Variants in MAP2K5 observed in about 807,000 individuals in gnomAD.
MAP2K5 encodes the protein dual specificity mitogen-activated protein kinase kinase 5.
Under a neutral mutation model 83.1 loss-of-function variants are expected in MAP2K5, and 49 were observed. That is an observed-to-expected ratio of 0.59 (90% CI 0.47 to 0.75). MAP2K5 has a LOEUF of 0.75. Among genes scored for constraint, MAP2K5 ranks in the 30% least tolerant of loss-of-function variants. The pLI is 0.00. For missense variants in MAP2K5, 457 were observed against 557.5 expected, an observed-to-expected ratio of 0.82 and a Z score of 1.82; for synonymous variants, 202 against 191.8, an observed-to-expected ratio of 1.05 and a Z score of -0.44.
At chr15:67,547,638 G>GT (rs1280071608) in intron 1 of MAP2K5, among the ~76,000 whole-genome samples, 1 of 151,976 alleles carries the variant, frequency 6.6e-6, no homozygotes, top group East Asian at 1.9e-4. Context: ...TGTATTTTTA[G>GT]TAGAGACAGG....
chr15:67,802,468 T>C lies in MAP2K5; in HGVS notation c.1243-4178T>C, dbSNP rs1345358170. On this transcript the variant is annotated intron_variant, in intron 21 of 21. Coordinates refer to ENST00000178640, the MANE Select transcript of MAP2K5 (RefSeq NM_145160.3). The surrounding 1 kb of genome is among the most constrained non-coding windows in gnomAD (Gnocchi z 5.0). The stretch of plus-strand genomic sequence containing the variant: ...CAGCCCTGTTCTTTTCCCTTCATTG[T>C]GTCTCCAACTTCTGTGGCAAAGTCT... Among the ~76,000 whole-genome samples, 1 of 152,244 alleles carries C rather than the reference T, an allele frequency of 6.6e-6. No individual in the cohort carries two copies. The highest frequency in any genetic ancestry group is 1.5e-5 in the Non-Finnish European group (1 of 68,046).
rs1488585262 is a variant in MAP2K5 at position 67,690,692 on chromosome 15, C to T, written c.848-1787C>T. ...GAGATTACAGGTGTCCGCCACCACG[C>T]CCGGCTAATTTTTGTATTTTTAGTA... On this transcript the variant is annotated intron_variant, in intron 13 of 21. Coordinates refer to ENST00000178640, the MANE Select transcript of MAP2K5 (RefSeq NM_145160.3). This position sits in a 1 kb window ranked among gnomAD's most constrained non-coding sequence, Gnocchi z 4.3. 6.6e-6 allele frequency among the ~76,000 whole-genome samples: 1 copy of T among 152,040 alleles called. No homozygotes were observed. The highest frequency in any genetic ancestry group is 2.4e-5 in the African/African-American group (1 of 41,398).
Position 67,807,113 on chromosome 15 carries a change from C to T in MAP2K5, c.*363C>T, listed in dbSNP as rs2090827618. The T allele has an allele frequency of 7.6e-6, 4 of 525,286 alleles. No individual in the cohort carries two copies. The South Asian group carries it at 8.4e-5, about 11-fold the overall frequency. The allele number at this position is 525,286 out of a possible 1,614,324, so 32.5% of individuals were successfully genotyped here. A position where few individuals can be genotyped will look rare whatever the true frequency, so the allele number is the denominator to read the frequency against. On this transcript the variant is annotated 3_prime_UTR_variant, in exon 22 of 22. Coordinates refer to ENST00000178640, the MANE Select transcript of MAP2K5 (RefSeq NM_145160.3). The surrounding 1 kb of genome is among the most constrained non-coding windows in gnomAD (Gnocchi z 5.1). Reference sequence around the variant, plus strand: ...GAATAAAAGTATTAATGCTTTGTGACAGCCTCTGCCATAAGAGTTGTGTGG... The same window carrying T: ...GAATAAAAGTATTAATGCTTTGTGATAGCCTCTGCCATAAGAGTTGTGTGG...
At chr15:67,655,209 T>G (rs2087041698) in intron 11 of MAP2K5, among the ~76,000 whole-genome samples, 1 of 152,236 alleles carries the variant, frequency 6.6e-6, no homozygotes, top group African/African-American at 2.4e-5. Flanking sequence ...CATTGTCTCT[T>G]AAGTCATAGA....
At position 67,801,581 on chromosome 15, in the gene MAP2K5, G is replaced by T. The variant is rs1000261752; in HGVS notation, c.1243-5065G>T. 6.6e-6 allele frequency among the ~76,000 whole-genome samples: 1 copy of T among 152,070 alleles called. No homozygotes were observed. The highest frequency in any genetic ancestry group is 1.5e-5 in the Non-Finnish European group (1 of 68,012). On this transcript the variant is annotated intron_variant, in intron 21 of 21. Transcript: ENST00000178640. This position sits in a 1 kb window ranked among gnomAD's most constrained non-coding sequence, Gnocchi z 4.8. ...TCTTCCATGGTAGAAGAGTGTCCTG[G>T]GTTTAAACTCTAACTCTGCCACTTT...
intron 17 of MAP2K5, among the ~76,000 whole-genome samples, chr15:67,732,080 GA>G (rs2089235449): frequency 6.6e-6 from 1 of 152,200 alleles, no homozygotes; most frequent in African/African-American, 2.4e-5. Context: ...ATAGGATAAT[GA>G]AAAATTGCAT....
rs1424540595 is a variant in MAP2K5, at chr15:67,555,245, A to C, written c.184+5163A>C. Among the ~76,000 whole-genome samples, 1 of 152,202 alleles carries C rather than the reference A, an allele frequency of 6.6e-6. No homozygotes were observed. The highest frequency in any genetic ancestry group is 1.5e-5 in the Non-Finnish European group (1 of 68,036). ...CTGAGGAAGCTTTTACTTATGGCAG[A>C]AAGTGAAGGGGCAGCAGGCGTGTCA... On this transcript the variant is annotated intron_variant, in intron 2 of 21. Coordinates refer to ENST00000178640, the MANE Select transcript of MAP2K5 (RefSeq NM_145160.3). This position sits in a 1 kb window ranked among gnomAD's most constrained non-coding sequence, Gnocchi z 5.2.
At position 67,640,149 on chromosome 15, in the gene MAP2K5, G is replaced by T. The variant is rs564081618; in HGVS notation, c.586-6082G>T. Among the ~76,000 whole-genome samples, 565 of 152,250 alleles carry T rather than the reference G, an allele frequency of 3.7e-3. 3 individuals are homozygous for T. Among genetic ancestry groups the T allele is most frequent in the African/African-American group, 0.013 (534 of 41,550 alleles). On this transcript the variant is annotated intron_variant, in intron 9 of 21. Coordinates refer to ENST00000178640, the MANE Select transcript of MAP2K5 (RefSeq NM_145160.3). This position sits in a 1 kb window ranked among gnomAD's most constrained non-coding sequence, Gnocchi z 4.6. ...TACTCCGTGATTCCTGCAGATCCTT[G>T]CATATAGGGTATAGTACAAAGCATT... is the stretch of plus-strand genomic sequence containing the variant.
At chr15:67,671,768 C>T (rs1012493608) in intron 13 of MAP2K5, among the ~76,000 whole-genome samples, 40 of 149,214 alleles carry the variant, frequency 2.7e-4, no homozygotes, top group African/African-American at 9.1e-4. Context: ...CCCATTAACT[C>T]GTCATTTAGC....
rs1399249698 is a variant in MAP2K5, at chr15:67,722,356, T to C, written c.1045-5560T>C. Among the ~76,000 whole-genome samples, 3 of 152,004 alleles carry C rather than the reference T, an allele frequency of 2.0e-5. No homozygotes were observed. Among genetic ancestry groups the C allele is most frequent in the Non-Finnish European group, 4.4e-5 (3 of 67,970 alleles). On this transcript the variant is annotated intron_variant, in intron 16 of 21. Coordinates refer to ENST00000178640, the MANE Select transcript of MAP2K5 (RefSeq NM_145160.3). The surrounding 1 kb of genome is among the most constrained non-coding windows in gnomAD (Gnocchi z 4.2). Reference sequence around the variant, plus strand: ...GATTAAATTAATTTGTAACTCTTTTTTTTTTTTTTTGGTCCTGCATTACTA... The same window carrying C: ...GATTAAATTAATTTGTAACTCTTTTCTTTTTTTTTTGGTCCTGCATTACTA...
rs1239695556 is a variant in MAP2K5 at position 67,698,522 on chromosome 15, T to A, written c.973-4815T>A. 6.6e-6 allele frequency among the ~76,000 whole-genome samples: 1 copy of A among 152,172 alleles called. No homozygotes were observed. Among genetic ancestry groups the A allele is most frequent in the Non-Finnish European group, 1.5e-5 (1 of 68,032 alleles). On this transcript the variant is annotated intron_variant, in intron 15 of 21. Coordinates refer to ENST00000178640, the MANE Select transcript of MAP2K5 (RefSeq NM_145160.3). The surrounding 1 kb of genome is among the most constrained non-coding windows in gnomAD (Gnocchi z 4.5). ...TCTAATTACTAAAAATTTTATTATG[T>A]TTTTAAGATAGAAGTTCCTAAAACT...
intron 16 of MAP2K5, among the ~76,000 whole-genome samples, chr15:67,707,688 A>AG (rs755341132): frequency 1.2e-4 from 18 of 152,160 alleles, no homozygotes; most frequent in Non-Finnish European, 2.2e-4. Context: ...CACAAGGGGA[A>AG]GGGGGTGGGG....
In MAP2K5 at chr15:67,772,686, G is replaced by T. The variant is rs778153076; in HGVS notation, c.1197-21G>T. On this transcript the variant is annotated intron_variant, in intron 20 of 21. Transcript: ENST00000178640. ...ACAAATGACACAGATAACATAAGGG[G>T]TTTTTTTCTCTCCACTATAGTATGC... 104 of 1,534,828 alleles carry T rather than the reference G, an allele frequency of 6.8e-5. No individual in the cohort carries two copies. The East Asian group carries it at 1.0e-3, about 15-fold the overall frequency.
rs1156634693 is a variant in MAP2K5 at position 67,760,344 on chromosome 15, T to A, written c.1135-9258T>A. Among the ~76,000 whole-genome samples the A allele has an allele frequency of 6.6e-6, 1 of 152,238 alleles. No homozygotes were observed. The highest frequency in any genetic ancestry group is 1.5e-5 in the Non-Finnish European group (1 of 68,038). On this transcript the variant is annotated intron_variant, in intron 19 of 21. Transcript: ENST00000178640. The surrounding 1 kb of genome is among the most constrained non-coding windows in gnomAD (Gnocchi z 4.1). ...GAAGAAACAAGTTATAAGAAAATTT[T>A]TTCCTCATAGTCTGAAGGATGTACA...
chr15:67,673,017 C>G (rs935273247), intron 13 of MAP2K5, among the ~76,000 whole-genome samples: 2 of 152,056 alleles, frequency 1.3e-5, no homozygotes, highest in African/African-American at 4.8e-5. Context: ...TTCCATTGAT[C>G]TATATCTCTG....
Position 67,749,612 on chromosome 15 carries a change from G to A in MAP2K5, c.1134+1011G>A, listed in dbSNP as rs947682708. ...CACACACACACATATCACAATAATA[G>A]TAAGAGTGGGGCTCTAACATCCTTA... On this transcript the variant is annotated intron_variant, in intron 19 of 21. Coordinates refer to ENST00000178640, the MANE Select transcript of MAP2K5 (RefSeq NM_145160.3). The surrounding 1 kb of genome is among the most constrained non-coding windows in gnomAD (Gnocchi z 4.6). 5.3e-5 allele frequency among the ~76,000 whole-genome samples: 8 copies of A among 152,142 alleles called. No homozygotes were observed. Among genetic ancestry groups the A allele is most frequent in the African/African-American group, 1.9e-4 (8 of 41,426 alleles).
rs572314129 is a variant in MAP2K5, at chr15:67,779,439, C to T, written c.1242+6687C>T. Among the ~76,000 whole-genome samples, 10 of 152,322 alleles carry T rather than the reference C, an allele frequency of 6.6e-5. No individual in the cohort carries two copies. In the South Asian group the frequency reaches 1.7e-3, roughly 25 times the overall value. ...CAGAGAGATTATAACCCTAAGAAAACAGGCTTTGTTTTTCCATAGATGTGA... is the reference window on the plus strand; with the variant it reads ...CAGAGAGATTATAACCCTAAGAAAATAGGCTTTGTTTTTCCATAGATGTGA... On this transcript the variant is annotated intron_variant, in intron 21 of 21. Coordinates refer to ENST00000178640, the MANE Select transcript of MAP2K5 (RefSeq NM_145160.3). This position sits in a 1 kb window ranked among gnomAD's most constrained non-coding sequence, Gnocchi z 4.6.
intron 21 of MAP2K5, among the ~76,000 whole-genome samples, chr15:67,776,604 A>G (rs1022725348): frequency 6.6e-6 from 1 of 152,224 alleles, no homozygotes; most frequent in Non-Finnish European, 1.5e-5. Flanking sequence ...CCTTAAATTC[A>G]GGGACAAAGA....
intron 3 of MAP2K5, among the ~76,000 whole-genome samples, chr15:67,578,751 TTTTA>T (rs1368217936): frequency 6.6e-6 from 1 of 152,168 alleles, no homozygotes; most frequent in African/African-American, 2.4e-5. Context: ...GGAAAACCAT[TTTTA>T]TTTATTTATT....
Sources: allele counts gnomAD v4.1 joint callset (sites outside exome capture counted in the v4.1 genomes callset), GRCh38; gene constraint gnomAD v4.1.1; non-coding constraint Gnocchi (gnomAD v3.1); transcripts MANE v1.5; gene names NCBI Gene and HGNC (gene_info 2026-07-23, HGNC 2026-07-21).